Variants in TNRC18 observed in about 807,000 individuals in gnomAD.
The protein encoded by TNRC18 is trinucleotide repeat containing 18.
TNRC18 carries 69 observed loss-of-function variants against 226.7 expected under a neutral mutation model. The ratio of observed to expected loss-of-function variants is 0.30; its 90% CI spans 0.25 to 0.37. The LOEUF is 0.37. Among genes scored for constraint, TNRC18 ranks in the 10% least tolerant of loss-of-function variants. TNRC18 has a pLI of 1.00. For missense variants in TNRC18, 4,754 were observed against 4,256.6 expected (o/e 1.12, Z -3.25); for synonymous variants, 2,449 against 1,927.6 (o/e 1.27, Z -7.09).
In TNRC18 at chr7:5,324,349, C is replaced by T. The variant is rs1134565; in HGVS notation, c.6307G>A (p.Gly2103Ser). 77 of 1,613,312 alleles carry T rather than the reference C, an allele frequency of 4.8e-5. No homozygotes were observed. Among genetic ancestry groups the T allele is most frequent in the Admixed American group, 6.7e-5 (4 of 59,992 alleles). Reference protein sequence around the residue: ...KGKEVKKENRGKGGAVSKLME... With the variant: ...KGKEVKKENRSKGGAVSKLME... ...AGCTTGCTCACGGCACCCCCCTTGCCGCGGTTCTGGGGACAGAACATGGCC... is the reference window on the plus strand; with the variant it reads ...AGCTTGCTCACGGCACCCCCCTTGCTGCGGTTCTGGGGACAGAACATGGCC... The change falls in exon 21 of 30, where the codon GGC (glycine) becomes AGC (serine). Residue 2103 changes from glycine to serine, a missense_variant. Coordinates refer to ENST00000430969, the MANE Select transcript of TNRC18 (RefSeq NM_001080495.3). The surrounding 1 kb of genome is among the most constrained non-coding windows in gnomAD (Gnocchi z 4.8).
intron 17 of TNRC18, among the ~76,000 whole-genome samples, chr7:5,346,809 G>C (rs555979322): frequency 6.6e-6 from 1 of 152,234 alleles, no homozygotes; most frequent in Non-Finnish European, 1.5e-5. Flanking sequence ...GGTCCAGAGA[G>C]AATCATTTGC....
chr7:5,363,668 T>C (rs748362382), intron 11 of TNRC18, among the ~76,000 whole-genome samples: 11 of 152,118 alleles, frequency 7.2e-5, no homozygotes, highest in Non-Finnish European at 1.3e-4. Context: ...TCCTGTGCTC[T>C]ATTCACAGAG....
chr7:5,405,788 G>A (rs1489854159), intron 2 of TNRC18, among the ~76,000 whole-genome samples: 1 of 152,108 alleles, frequency 6.6e-6, no homozygotes, highest in Non-Finnish European at 1.5e-5. Context: ...ATTAGCCCAG[G>A]CACAGTGGCT....
chr7:5,379,797 A>T (rs1428863110), intron 5 of TNRC18, among the ~76,000 whole-genome samples: 3 of 152,240 alleles, frequency 2.0e-5, no homozygotes, highest in African/African-American at 7.2e-5. Context: ...CCCAGGTGCC[A>T]TTCGCACAGG....
At position 5,388,943 on chromosome 7, in the gene TNRC18, G is replaced by A. The variant is rs1217530343; in HGVS notation, c.881C>T (p.Pro294Leu). The A allele has an allele frequency of 2.2e-6, 3 of 1,387,602 alleles. No individual in the cohort carries two copies. Among genetic ancestry groups the A allele is most frequent in the Non-Finnish European group, 1.9e-6 (2 of 1,065,574 alleles). 86.0% of individuals were successfully genotyped at this position (1,387,602 alleles called of 1,614,324 possible). Reference sequence around the variant, plus strand: ...GCGCCCCGCTTCGGCCACCAGCGCGGGCAGCCCCACGTCCCCGGCGCCGCC... The same window carrying A: ...GCGCCCCGCTTCGGCCACCAGCGCGAGCAGCCCCACGTCCCCGGCGCCGCC... Reference protein sequence around the residue: ...CNGGAGDVGLPALVAEAGRGG... With the variant: ...CNGGAGDVGLLALVAEAGRGG... Residue 294 changes from proline to leucine, a missense_variant, in exon 5 of 30, where the codon CCC becomes CTC. Physicochemically the swap from Pro to Leu is moderately conservative, Grantham distance 98. Coordinates refer to ENST00000430969, the MANE Select transcript of TNRC18 (RefSeq NM_001080495.3).
rs544608999 is a variant in TNRC18, at chr7:5,412,578, A to AAAAAT, written c.187+8477_187+8481dup. 7.2e-5 allele frequency among the ~76,000 whole-genome samples: 11 copies of AAAAAT among 152,094 alleles called. No individual in the cohort carries two copies. The East Asian group carries it at 1.9e-3, about 27-fold the overall frequency. ...GAGACAGAGCGAGACACTGTCTCAA[A>AAAAAT]AAAATAAAATAAAATAAAATAAAAA... On this transcript the variant is annotated intron_variant, in intron 2 of 29. Coordinates refer to ENST00000430969, the MANE Select transcript of TNRC18 (RefSeq NM_001080495.3).
At chr7:5,340,261 T>A (rs1055761738) in intron 18 of TNRC18, among the ~76,000 whole-genome samples, 5 of 152,196 alleles carry the variant, frequency 3.3e-5, no homozygotes, top group African/African-American at 1.2e-4. Flanking sequence ...ATTGCTGACA[T>A]AGAGAAAGTT....
At chr7:5,343,321 T>C (rs1222783502) in intron 18 of TNRC18, among the ~76,000 whole-genome samples, 1 of 152,132 alleles carries the variant, frequency 6.6e-6, no homozygotes, top group Non-Finnish European at 1.5e-5. Context: ...GCCACTACAC[T>C]TCAGCCTGGG....
intron 16 of TNRC18, 24 bp downstream of exon 16, chr7:5,356,892 G>A: frequency 1.3e-6 from 2 of 1,505,824 alleles, no homozygotes; most frequent in African/African-American, 2.8e-5. Flanking sequence ...GCGGACCAGA[G>A]GTGGCGCGGC....
chr7:5,316,676 A>G (rs1787883268), intron 24 of TNRC18, among the ~76,000 whole-genome samples: 1 of 152,118 alleles, frequency 6.6e-6, no homozygotes, highest in African/African-American at 2.4e-5. Context: ...AACCACAGCA[A>G]AGGAGGGACG....
intron 2 of TNRC18, among the ~76,000 whole-genome samples, chr7:5,396,184 A>G (rs1780675935): frequency 6.8e-6 from 1 of 147,872 alleles, no homozygotes; most frequent in Non-Finnish European, 1.5e-5. Context: ...AAAAAAAAAA[A>G]AAAAATGCAA....
chr7:5,365,033 G>A (rs982984075), intron 11 of TNRC18, among the ~76,000 whole-genome samples: 4 of 82,422 alleles, frequency 4.9e-5, no homozygotes, highest in East Asian at 3.4e-4. Flanking sequence ...GTGGGGGGGC[G>A]GGGGCGGAAG....
At chr7:5,387,105 A>C (rs912264644) in intron 5 of TNRC18, among the ~76,000 whole-genome samples, 2 of 152,166 alleles carry the variant, frequency 1.3e-5, no homozygotes, top group Non-Finnish European at 2.9e-5. Context: ...AACAATTCTA[A>C]AGAATCCAAA....
At chr7:5,356,173 A>AG (rs112164634) in intron 16 of TNRC18, among the ~76,000 whole-genome samples, 5,659 of 143,804 alleles carry the variant, frequency 0.039, 371 homozygotes, top group African/African-American at 0.14. Flanking sequence ...CAAATTAAAA[A>AG]AAAAAAAAAA....
chr7:5,320,698 C>G, intron 22 of TNRC18, 91 bp from the exon 23 acceptor site: 1 of 1,086,422 alleles, frequency 9.2e-7, no homozygotes, highest in Non-Finnish European at 1.4e-6. Context: ...TCCTAGACCA[C>G]TGGGAGGTAA....
chr7:5,421,343 G>C lies in TNRC18; in HGVS notation c.-97C>G, dbSNP rs929029156. ...GCCTCGGCGTAGTCCCAGAGTCCTC[G>C]GGCGGCGGGGGCTCCGCGGCGTGCA... On this transcript the variant is annotated 5_prime_UTR_variant, in exon 2 of 30. Transcript: ENST00000430969. 1.8e-6 allele frequency: 2 copies of C among 1,111,716 alleles called. No homozygotes were observed. Among genetic ancestry groups the C allele is most frequent in the African/African-American group, 3.3e-5 (2 of 61,372 alleles). 68.9% of individuals were successfully genotyped at this position (1,111,716 alleles called of 1,614,324 possible).
chr7:5,413,595 C>G (rs1781978707), intron 2 of TNRC18, among the ~76,000 whole-genome samples: 1 of 152,200 alleles, frequency 6.6e-6, no homozygotes. Context: ...AGTGGTGCGA[C>G]CACAACTCAC....
chr7:5,375,481 A>G (rs1794569975), intron 9 of TNRC18, among the ~76,000 whole-genome samples: 1 of 152,236 alleles, frequency 6.6e-6, no homozygotes. Flanking sequence ...GCACTTGCCC[A>G]CGAGCACACA....
Position 5,376,994 on chromosome 7 carries a change from C to T in TNRC18, c.2462-1G>A. ...TGGTGCAGAGATGGGGGACCCAAGC[C>T]TAGGAGGAGAAGCCCAGGCCTGAGT... On this transcript the variant is annotated splice_acceptor_variant, in intron 7 of 29. Coordinates refer to ENST00000430969, the MANE Select transcript of TNRC18 (RefSeq NM_001080495.3). LOFTEE classifies it high-confidence loss of function. 6.3e-7 allele frequency: 1 copy of T among 1,575,890 alleles called. No homozygotes were observed. Among genetic ancestry groups the T allele is most frequent in the Non-Finnish European group, 8.6e-7 (1 of 1,161,240 alleles).
Sources: gnomAD v4.1 joint callset for allele counts (sites outside exome capture counted in the v4.1 genomes callset) on GRCh38, gnomAD v4.1.1 for gene constraint, Gnocchi (gnomAD v3.1) non-coding constraint, MANE v1.5 for transcripts, NCBI Gene and HGNC (gene_info 2026-07-23, HGNC 2026-07-21) for gene names.